Variants in OXR1 observed in about 807,000 individuals in gnomAD.
OXR1 encodes oxidation resistance protein 1.
Under a neutral mutation model 104.6 loss-of-function variants are expected in OXR1, and 41 were observed. That is an observed-to-expected ratio of 0.39 (90% CI 0.31 to 0.51). The LOEUF (loss-of-function observed/expected upper bound fraction) is 0.51, where lower values mean the gene tolerates loss of function less well. Ranked by LOEUF, OXR1 falls within the 20% of genes least tolerant of loss-of-function variation. The pLI, the probability that OXR1 is intolerant of heterozygous loss-of-function variation, is 0.77. For missense variants in OXR1, 955 were observed against 1,031.9 expected (o/e 0.93, Z 1.02); for synonymous variants, 348 against 348.4 (o/e 1.00, Z 0.01).
At chr8:106,721,627 C>G (rs958909913) in intron 11 of OXR1, among the ~76,000 whole-genome samples, 1 of 152,098 alleles carries the variant, frequency 6.6e-6, no homozygotes, top group Non-Finnish European at 1.5e-5. Flanking sequence ...TGACATTAGT[C>G]ACATTTTCTC....
intron 2 of OXR1, among the ~76,000 whole-genome samples, chr8:106,471,191 T>C (rs1467034538): frequency 6.6e-6 from 1 of 151,524 alleles, no homozygotes; most frequent in Non-Finnish European, 1.5e-5. Flanking sequence ...GAAGGGTGGA[T>C]TATAGAGGAG....
intron 7 of OXR1, chr8:106,697,675 G>C: frequency 6.2e-7 from 1 of 1,614,076 alleles, no homozygotes. Context: ...GAGGTCCACA[G>C]TTTGGAAGAT....
chr8:106,696,288 T>A (rs1587132140), intron 7 of OXR1, among the ~76,000 whole-genome samples: 2 of 152,342 alleles, frequency 1.3e-5, no homozygotes, highest in East Asian at 3.9e-4. Flanking sequence ...CCTCCATGTC[T>A]TTTGCGGATT....
At chr8:106,316,869 T>A (rs1461385551) in intron 1 of OXR1, among the ~76,000 whole-genome samples, 5 of 152,018 alleles carry the variant, frequency 3.3e-5, no homozygotes, top group Non-Finnish European at 7.4e-5. Context: ...TTTACTTATT[T>A]ATTTAATTTA....
rs376088140 is a variant in OXR1, at chr8:106,706,594, G to A, written c.1073G>A (p.Arg358Gln). Residue 358 changes from arginine (R) to glutamine (Q), a missense_variant, in exon 9 of 17, where the codon CGA becomes CAA. Physicochemically the swap from Arg to Gln is conservative, Grantham distance 43 (BLOSUM62 1). Coordinates refer to ENST00000517566, the MANE Select transcript of OXR1 (RefSeq NM_001198533.2). ...REELVSSDEL[R>Q]QDKSSGASSE... ...GAGCTTGTATCTTCAGATGAACTGC[G>A]ACAAGATAAATCTTCTGGTGCGTCA... 4.5e-5 allele frequency: 72 copies of A among 1,612,624 alleles called. No homozygotes were observed. Among genetic ancestry groups the A allele is most frequent in the Non-Finnish European group, 5.5e-5 (65 of 1,179,646 alleles).
intron 3 of OXR1, among the ~76,000 whole-genome samples, chr8:106,568,004 G>A (rs1467731097): frequency 2.6e-5 from 4 of 151,964 alleles, no homozygotes; most frequent in Non-Finnish European, 5.9e-5. Context: ...AAGTTTCTTA[G>A]CCTTCCAGAG....
chr8:106,527,049 G>A (rs1050905088), intron 3 of OXR1, among the ~76,000 whole-genome samples: 1 of 152,178 alleles, frequency 6.6e-6, no homozygotes, highest in Non-Finnish European at 1.5e-5. Flanking sequence ...GTCCAAGTTG[G>A]ACCTTTATAT....
intron 2 of OXR1, among the ~76,000 whole-genome samples, chr8:106,497,557 C>T (rs912590889): frequency 4.6e-5 from 7 of 152,148 alleles, no homozygotes; most frequent in African/African-American, 1.7e-4. Context: ...ATGTCTGGCT[C>T]ATGTGGTGAA....
chr8:106,709,489 T>C (rs962404810), intron 9 of OXR1, among the ~76,000 whole-genome samples: 2 of 152,050 alleles, frequency 1.3e-5, no homozygotes, highest in Non-Finnish European at 2.9e-5. Context: ...GATCTTTGAC[T>C]GCATCTTTGA....
intron 1 of OXR1, among the ~76,000 whole-genome samples, chr8:106,308,557 C>G (rs776790631): frequency 6.6e-6 from 1 of 152,170 alleles, no homozygotes; most frequent in Non-Finnish European, 1.5e-5. Context: ...CCCAAGAATT[C>G]CTTGCCTTCC....
chr8:106,341,765 G>A (rs1436431104), intron 1 of OXR1, among the ~76,000 whole-genome samples: 2 of 151,914 alleles, frequency 1.3e-5, no homozygotes, highest in Non-Finnish European at 1.5e-5. Context: ...TATTTAAAAA[G>A]TGTTTCTCTA....
At chr8:106,330,923 T>A (rs1276822448) in intron 1 of OXR1, among the ~76,000 whole-genome samples, 1 of 152,194 alleles carries the variant, frequency 6.6e-6, no homozygotes, top group Non-Finnish European at 1.5e-5. Context: ...TTCCCTGATT[T>A]CCATAGCCAG....
chr8:106,450,952 C>T (rs1289356354), intron 2 of OXR1, among the ~76,000 whole-genome samples: 2 of 152,054 alleles, frequency 1.3e-5, no homozygotes, highest in Non-Finnish European at 2.9e-5. Flanking sequence ...TGTAAAGCAG[C>T]AAACTGTGAT....
chr8:106,335,180 G>A (rs1260638739), intron 1 of OXR1, among the ~76,000 whole-genome samples: 2 of 151,720 alleles, frequency 1.3e-5, no homozygotes, highest in East Asian at 1.9e-4. Flanking sequence ...CTCATCTATG[G>A]TGCCTCAAAT....
intron 3 of OXR1, among the ~76,000 whole-genome samples, chr8:106,561,590 A>G (rs1439355761): frequency 6.6e-6 from 1 of 152,130 alleles, no homozygotes; most frequent in Admixed American, 6.5e-5. Flanking sequence ...CTCTGAAGAG[A>G]ACAGCAGATC....
At chr8:106,566,733 ATGTTAGAC>A (rs1474980116) in intron 3 of OXR1, among the ~76,000 whole-genome samples, 1 of 152,238 alleles carries the variant, frequency 6.6e-6, no homozygotes, top group Non-Finnish European at 1.5e-5. Context: ...ATGCCCATCA[ATGTTAGAC>A]TGGATAAAGA....
At chr8:106,387,837 C>T (rs1419471784) in intron 2 of OXR1, among the ~76,000 whole-genome samples, 1 of 152,298 alleles carries the variant, frequency 6.6e-6, no homozygotes, top group South Asian at 2.1e-4. Flanking sequence ...CACATCAGTA[C>T]TAAGCTGGTG....
chr8:106,443,166 G>T (rs867667402), intron 2 of OXR1, among the ~76,000 whole-genome samples: 1 of 151,986 alleles, frequency 6.6e-6, no homozygotes, highest in Non-Finnish European at 1.5e-5. Flanking sequence ...ATTTACTTAG[G>T]AGTCATTCAG....
chr8:106,401,369 C>T lies in OXR1; in HGVS notation c.23+41733C>T, dbSNP rs139106314. On this transcript the variant is annotated intron_variant, in intron 2 of 16. Transcript: ENST00000517566. ...TCTTATCTTCCTCTAATTAAGCGTTCGGTGTCTACTAAGGCCTGGTAACTG... is the reference window on the plus strand; with the variant it reads ...TCTTATCTTCCTCTAATTAAGCGTTTGGTGTCTACTAAGGCCTGGTAACTG... 4.6e-5 allele frequency among the ~76,000 whole-genome samples: 7 copies of T among 152,252 alleles called. No homozygotes were observed. The East Asian group carries it at 9.7e-4, about 21-fold the overall frequency.
Sources: gnomAD v4.1 joint callset for allele counts (sites outside exome capture counted in the v4.1 genomes callset) on GRCh38, gnomAD v4.1.1 for gene constraint, MANE v1.5 for transcripts, NCBI Gene and HGNC (gene_info 2026-07-23, HGNC 2026-07-21) for gene names.